The following MEF2A variants were observed in gnomAD, a reference collection of about 807,000 sequenced individuals.
MEF2A encodes myocyte-specific enhancer factor 2A.
A neutral mutation model predicts 55.8 loss-of-function variants in MEF2A; 28 were observed. That is an observed-to-expected ratio of 0.50 (90% CI 0.37 to 0.69). The LOEUF is 0.69. Ranked by LOEUF, MEF2A falls within the 30% of genes least tolerant of loss-of-function variation. The pLI, the probability that MEF2A is intolerant of heterozygous loss-of-function variation, is 0.00. For synonymous variants in MEF2A, 239 were observed against 227.1 expected, an observed-to-expected ratio of 1.05 and a Z score of -0.47; for missense variants, 528 against 626.2, an observed-to-expected ratio of 0.84 and a Z score of 1.67.
At chr15:99,650,777 C>A (rs1484628187) in intron 4 of MEF2A, among the ~76,000 whole-genome samples, 1 of 152,150 alleles carries the variant, frequency 6.6e-6, no homozygotes, top group Non-Finnish European at 1.5e-5. Flanking sequence ...ATCACTGGTC[C>A]TCACAATGTG....
In MEF2A at chr15:99,662,325, T is replaced by C. The variant is rs141889384; in HGVS notation, c.259-8998T>C. Among the ~76,000 whole-genome samples, 343 of 152,344 alleles carry C rather than the reference T, an allele frequency of 2.3e-3. 3 individuals carry two copies. Among genetic ancestry groups the C allele is most frequent in the African/African-American group, 7.6e-3 (317 of 41,580 alleles). ...TTTCACAATTTTTAAAAATTGTTTT[T>C]ATGTGTTGTCAGAGTAGCTAGAAAG... On this transcript the variant is annotated intron_variant, in intron 4 of 11. Transcript: ENST00000557942.
intron 2 of MEF2A, among the ~76,000 whole-genome samples, chr15:99,631,618 T>C (rs1259542371): frequency 6.6e-6 from 1 of 152,144 alleles, no homozygotes; most frequent in Non-Finnish European, 1.5e-5. Flanking sequence ...TCTACTAGAC[T>C]CTGAACTCTG....
intron 4 of MEF2A, among the ~76,000 whole-genome samples, chr15:99,670,319 C>T (rs200327583): frequency 1.1e-4 from 16 of 152,140 alleles, no homozygotes; most frequent in East Asian, 1.9e-4. Flanking sequence ...AGAATATTCT[C>T]CAGAAAGGGC....
At chr15:99,611,726 T>C (rs946927270) in intron 2 of MEF2A, among the ~76,000 whole-genome samples, 1 of 152,200 alleles carries the variant, frequency 6.6e-6, no homozygotes, top group Admixed American at 6.5e-5. Flanking sequence ...ACACCGTTAT[T>C]CATAGCAGCA....
chr15:99,694,632 G>GTTAATACCA (rs1391228520), intron 8 of MEF2A, among the ~76,000 whole-genome samples: 3 of 152,156 alleles, frequency 2.0e-5, no homozygotes, highest in Non-Finnish European at 4.4e-5. Flanking sequence ...GTATTTACCA[G>GTTAATACCA]GTTTCTTTTC....
At chr15:99,642,213 C>T (rs1428442475) in intron 3 of MEF2A, among the ~76,000 whole-genome samples, 6 of 152,184 alleles carry the variant, frequency 3.9e-5, no homozygotes, top group Non-Finnish European at 7.4e-5. Context: ...ATTCTAACAC[C>T]AGACTGAGTT....
chr15:99,696,046 G>T (rs4965534), intron 8 of MEF2A, among the ~76,000 whole-genome samples: 1 of 151,964 alleles, frequency 6.6e-6, no homozygotes, highest in Non-Finnish European at 1.5e-5. Flanking sequence ...ACGTGACATA[G>T]TCCACTTTCC....
chr15:99,595,669 T>G (rs181793789), intron 1 of MEF2A, among the ~76,000 whole-genome samples: 37 of 152,358 alleles, frequency 2.4e-4, no homozygotes, highest in African/African-American at 7.9e-4. Context: ...TAGAGGAGAC[T>G]CATACTTGTA....
intron 4 of MEF2A, among the ~76,000 whole-genome samples, chr15:99,666,575 A>T (rs1596986750): frequency 7.9e-6 from 1 of 127,044 alleles, no homozygotes; most frequent in African/African-American, 2.9e-5. Flanking sequence ...CCAGAACTTA[A>T]AGTATAATAA....
intron 8 of MEF2A, among the ~76,000 whole-genome samples, chr15:99,699,660 T>A (rs2057068202): frequency 2.6e-5 from 4 of 152,206 alleles, no homozygotes; most frequent in African/African-American, 7.2e-5. Flanking sequence ...AAGAACCTGG[T>A]CTAAGTAACT....
At position 99,690,419 on chromosome 15, in the gene MEF2A, G is replaced by A; in HGVS notation, c.849G>A (p.Met283Ile). The change falls in exon 8 of 12, where the codon ATG becomes ATA. Residue 283 changes from methionine to isoleucine, a missense_variant. Transcript: ENST00000557942. ...TCCCCCCTTCAAGCAAGGGCATGAT[G>A]CCTCCACTAGTAAGTTGAACCTTTC... Reference protein sequence around the residue: ...VVIPPSSKGMMPPLSEEEELE... With the variant: ...VVIPPSSKGMIPPLSEEEELE... The A allele has an allele frequency of 6.3e-7, 1 of 1,594,348 alleles. No individual in the cohort carries two copies. Among genetic ancestry groups the A allele is most frequent in the Non-Finnish European group, 8.6e-7 (1 of 1,169,068 alleles).
At chr15:99,597,411 G>T (rs1394992703) in intron 1 of MEF2A, among the ~76,000 whole-genome samples, 2 of 152,072 alleles carry the variant, frequency 1.3e-5, no homozygotes, top group African/African-American at 4.8e-5. Context: ...TTTGGTCAGA[G>T]ACCAGTTGAT....
At chr15:99,639,517 T>G (rs1489063996) in intron 3 of MEF2A, among the ~76,000 whole-genome samples, 1 of 152,204 alleles carries the variant, frequency 6.6e-6, no homozygotes, top group Non-Finnish European at 1.5e-5. Flanking sequence ...TTTTTACTGT[T>G]ATAAATGGTG....
chr15:99,697,392 T>G (rs2056645040), intron 8 of MEF2A, among the ~76,000 whole-genome samples: 1 of 151,876 alleles, frequency 6.6e-6, no homozygotes, highest in Non-Finnish European at 1.5e-5. Flanking sequence ...TTAGCAAGGT[T>G]GCAGGGTACA....
intron 9 of MEF2A, 149 bp from the exon 10 acceptor site, chr15:99,706,580 C>T: frequency 1.3e-6 from 1 of 748,640 alleles, no homozygotes; most frequent in Non-Finnish European, 2.2e-6. Flanking sequence ...TAGTTATTCT[C>T]ACTAGTATTT....
At chr15:99,695,804 A>T (rs2056382280) in intron 8 of MEF2A, among the ~76,000 whole-genome samples, 1 of 151,786 alleles carries the variant, frequency 6.6e-6, no homozygotes, top group South Asian at 2.1e-4. Context: ...GGTTGCAGTG[A>T]GCCAAGATCA....
At chr15:99,676,635 C>T (rs2052117922) in intron 7 of MEF2A, among the ~76,000 whole-genome samples, 1 of 151,708 alleles carries the variant, frequency 6.6e-6, no homozygotes, top group Non-Finnish European at 1.5e-5. Flanking sequence ...TGCAGTGGCG[C>T]CATCTCCGCT....
Position 99,571,766 on chromosome 15 carries a change from TG to T in MEF2A, c.-225+5664del, listed in dbSNP as rs1387687186. 2.6e-5 allele frequency among the ~76,000 whole-genome samples: 4 copies of T among 152,138 alleles called. 1 individual carries two copies. Among genetic ancestry groups the T allele is most frequent in the African/African-American group, 9.7e-5 (4 of 41,428 alleles). On this transcript the variant is annotated intron_variant, in intron 1 of 11. Transcript: ENST00000557942. ...TACCCCTAAACCCTGGTGTCTCTGC[TG>T]GCATTCCCCATATCCATAAATGGCA...
chr15:99,602,653 G>GGGGGGT (rs1555454713), intron 2 of MEF2A, among the ~76,000 whole-genome samples: 2 of 44,842 alleles, frequency 4.5e-5, no homozygotes, highest in Non-Finnish European at 9.1e-5. Context: ...ACATTCCTGG[G>GGGGGGT]GTGTGTGTGT....
Sources: allele counts gnomAD v4.1 joint callset (sites outside exome capture counted in the v4.1 genomes callset), GRCh38; gene constraint gnomAD v4.1.1; transcripts MANE v1.5; gene names NCBI Gene and HGNC (gene_info 2026-07-23, HGNC 2026-07-21).